Variants in NUDT16L1 observed in about 807,000 individuals in gnomAD.
NUDT16L1 encodes nudix hydrolase 16 like 1.
Under a neutral mutation model 17.3 loss-of-function variants are expected in NUDT16L1, and 19 were observed. The observed-to-expected ratio is 1.10, with a 90% CI of 0.77 to 1.61. The LOEUF (loss-of-function observed/expected upper bound fraction) is 1.61, where lower values mean the gene tolerates loss of function less well. Among genes scored for constraint, NUDT16L1 ranks in the 40% most tolerant of loss-of-function variants. The pLI, the probability that NUDT16L1 is intolerant of heterozygous loss-of-function variation, is 0.00. For missense variants in NUDT16L1, 341 were observed against 292.0 expected, an observed-to-expected ratio of 1.17 and a Z score of -1.22; for synonymous variants, 255 against 138.6, an observed-to-expected ratio of 1.84 and a Z score of -5.90.
At chr16:4,694,328 T>G in intron 2 of NUDT16L1, 90 bp downstream of exon 2, 2 of 1,313,734 alleles carry the variant, frequency 1.5e-6, no homozygotes, top group Non-Finnish European at 2.0e-6. Flanking sequence ...CTCCTGAGGG[T>G]CCCCTGGCCG....
rs958548293 is a variant in NUDT16L1, at chr16:4,695,505, C to A, written c.*326C>A. The A allele has an allele frequency of 1.1e-5, 6 of 549,044 alleles. No individual in the cohort carries two copies. The African/African-American group carries it at 1.1e-4, about 10-fold the overall frequency. The allele number at this position is 549,044 out of a possible 1,614,324, so 34.0% of individuals were successfully genotyped here. A position where few individuals can be genotyped will look rare whatever the true frequency, so the allele number is the denominator to read the frequency against. ...AGAGACCCAGGAGTGCCTGATTGTC[C>A]CACAGGGGTGGCGCACAGCTCTGGG... On this transcript the variant is annotated 3_prime_UTR_variant, in exon 3 of 3. Coordinates refer to ENST00000304301, the Ensembl canonical transcript of NUDT16L1.
Sources: allele counts gnomAD v4.1 joint callset, GRCh38; gene constraint gnomAD v4.1.1; transcripts MANE v1.5; gene names NCBI Gene and HGNC (gene_info 2026-07-23, HGNC 2026-07-21).